Variants in ZDHHC3 observed in about 807,000 individuals in gnomAD.
The protein encoded by ZDHHC3 is palmitoyltransferase ZDHHC3.
In ZDHHC3, 9 loss-of-function variants were observed where a neutral mutation model predicts 30.6. That is an observed-to-expected ratio of 0.29 (90% CI 0.18 to 0.51). The LOEUF (loss-of-function observed/expected upper bound fraction) is 0.51, where lower values mean the gene tolerates loss of function less well. Among genes scored for constraint, ZDHHC3 ranks in the 20% least tolerant of loss-of-function variants. ZDHHC3 has a pLI of 0.97. For synonymous variants in ZDHHC3, 136 were observed against 140.2 expected, an observed-to-expected ratio of 0.97 and a Z score of 0.21; for missense variants, 246 against 384.2, an observed-to-expected ratio of 0.64 and a Z score of 3.01.
chr3:44,933,333 A>G (rs1338647361), intron 4 of ZDHHC3, 134 bp from the exon 5 acceptor site: 4 of 757,306 alleles, frequency 5.3e-6, no homozygotes, highest in Non-Finnish European at 9.0e-6. Flanking sequence ...GAGGGACCAG[A>G]GGGCCAGCTA....
In ZDHHC3 at chr3:44,919,875, G is replaced by A; in HGVS notation, c.*6814C>T. On this transcript the variant is annotated 3_prime_UTR_variant, in exon 7 of 7. Coordinates refer to ENST00000424952, the MANE Select transcript of ZDHHC3 (RefSeq NM_001135179.2). ...AAAATAATCAATAATCTGAGACAAAGATTTATGCAATACAAACTTGAACAC... is the reference window on the plus strand; with the variant it reads ...AAAATAATCAATAATCTGAGACAAAAATTTATGCAATACAAACTTGAACAC... The A allele has an allele frequency of 2.0e-6, 2 of 1,013,520 alleles. No individual in the cohort carries two copies. Among genetic ancestry groups the A allele is most frequent in the Non-Finnish European group, 1.2e-6 (1 of 845,132 alleles). 62.8% of individuals were successfully genotyped at this position (1,013,520 alleles called of 1,614,324 possible).
In ZDHHC3 at chr3:44,921,083, A is replaced by G. The variant is rs1196273467; in HGVS notation, c.*5606T>C. ...CGAACAAAAATGGTTGATGCCTGGT[A>G]AGGGGGTCATAGTCGACACCAGAAG... is the stretch of plus-strand genomic sequence containing the variant. On this transcript the variant is annotated 3_prime_UTR_variant, in exon 7 of 7. Transcript: ENST00000424952. 2.0e-6 allele frequency: 2 copies of G among 985,304 alleles called. No individual in the cohort carries two copies. Among genetic ancestry groups the G allele is most frequent in the Admixed American group, 6.1e-5 (1 of 16,270 alleles). 61.0% of individuals were successfully genotyped at this position (985,304 alleles called of 1,614,324 possible). A position where few individuals can be genotyped will look rare whatever the true frequency, so the allele number is the denominator to read the frequency against.
chr3:44,945,430 C>T, intron 2 of ZDHHC3, 138 bp from the exon 3 acceptor site: 1 of 1,270,190 alleles, frequency 7.9e-7, no homozygotes, highest in Middle Eastern at 2.5e-4. Context: ...AACATGTGGA[C>T]TCTGTGTTCA....
chr3:44,972,423 A>C (rs1011294256), intron 1 of ZDHHC3, among the ~76,000 whole-genome samples: 6 of 152,252 alleles, frequency 3.9e-5, no homozygotes, highest in Non-Finnish European at 8.8e-5. Flanking sequence ...AGATTGTGCC[A>C]CCGCACTCCA....
intron 1 of ZDHHC3, among the ~76,000 whole-genome samples, chr3:44,972,071 A>G (rs1478243641): frequency 6.6e-6 from 1 of 152,186 alleles, no homozygotes; most frequent in African/African-American, 2.4e-5. Flanking sequence ...GTACATTTCA[A>G]GGGTGCTGGG....
At chr3:44,942,210 A>G (rs1456226557) in intron 3 of ZDHHC3, among the ~76,000 whole-genome samples, 4 of 152,272 alleles carry the variant, frequency 2.6e-5, no homozygotes, top group African/African-American at 9.6e-5. Flanking sequence ...GTCGACATCA[A>G]CTTTAACCAG....
intron 1 of ZDHHC3, among the ~76,000 whole-genome samples, chr3:44,972,588 T>C (rs1380828484): frequency 3.3e-5 from 5 of 152,210 alleles, no homozygotes; most frequent in Non-Finnish European, 7.3e-5. Context: ...CTCTGTCATG[T>C]TATTGTTGCC....
rs756800515 is a variant in ZDHHC3, at chr3:44,959,336, C to T, written c.101G>A (p.Gly34Glu). ...CVPPPYPGPVGTMWFIRDGCG... is the reference protein window; with the variant it reads ...CVPPPYPGPVETMWFIRDGCG... ...GCCGTCACGGATAAACCACATGGTT[C>T]CCACAGGACCAGGGTAGGGGGGTGG... is the stretch of plus-strand genomic sequence containing the variant. Residue 34 changes from glycine to glutamate, a missense_variant, in exon 2 of 7, where the codon GGA becomes GAA. Transcript: ENST00000424952. The surrounding 1 kb of genome is among the most constrained non-coding windows in gnomAD (Gnocchi z 4.3). 8 of 1,614,236 alleles carry T rather than the reference C, an allele frequency of 5.0e-6. No homozygotes were observed. Among genetic ancestry groups the T allele is most frequent in the Non-Finnish European group, 8.5e-7 (1 of 1,180,050 alleles).
In ZDHHC3 at chr3:44,926,302, G is replaced by C; in HGVS notation, c.*387C>G. The C allele has an allele frequency of 1.0e-6, 1 of 990,894 alleles. No individual in the cohort carries two copies. Among genetic ancestry groups the C allele is most frequent in the East Asian group, 1.1e-4 (1 of 9,104 alleles). 61.4% of individuals were successfully genotyped at this position (990,894 alleles called of 1,614,324 possible). ...GTCAGGGCCCTCCTGGCTTTCCCATGCATCCCCCACCAGGTGTCCAGACTA... is the reference window on the plus strand; with the variant it reads ...GTCAGGGCCCTCCTGGCTTTCCCATCCATCCCCCACCAGGTGTCCAGACTA... On this transcript the variant is annotated 3_prime_UTR_variant, in exon 7 of 7. Transcript: ENST00000424952.
chr3:44,959,127 T>C lies in ZDHHC3; in HGVS notation c.306+4A>G. ...CTGGTCAAAACAAGCCCAGACATACTCACGGGGTCCGTCAGCATGGCCCGG... is the reference window on the plus strand; with the variant it reads ...CTGGTCAAAACAAGCCCAGACATACCCACGGGGTCCGTCAGCATGGCCCGG... On this transcript the variant is annotated splice_donor_region_variant and intron_variant, in intron 2 of 6. Transcript: ENST00000424952. The surrounding 1 kb of genome is among the most constrained non-coding windows in gnomAD (Gnocchi z 4.3). The C allele has an allele frequency of 6.2e-7, 1 of 1,613,936 alleles. No homozygotes were observed. The highest frequency in any genetic ancestry group is 8.5e-7 in the Non-Finnish European group (1 of 1,179,892).
rs1700708312 is a variant in ZDHHC3, at chr3:44,922,957, G to A, written c.*3732C>T. On this transcript the variant is annotated 3_prime_UTR_variant, in exon 7 of 7. Transcript: ENST00000424952. ...TGGCTGGCTCACCCTTTAAGCTGAT[G>A]CACTGCAAGTCTTGAAAAGAGAGAA... 6 of 985,318 alleles carry A rather than the reference G, an allele frequency of 6.1e-6. No homozygotes were observed. The highest frequency in any genetic ancestry group is 7.2e-6 in the Non-Finnish European group (6 of 829,908). 61.0% of individuals were successfully genotyped at this position (985,318 alleles called of 1,614,324 possible). A position where few individuals can be genotyped will look rare whatever the true frequency, so the allele number is the denominator to read the frequency against.
At chr3:44,975,766 TCTCTCTCA>T (rs1377999162) in intron 1 of ZDHHC3, among the ~76,000 whole-genome samples, 159 bp downstream of exon 1, 3 of 144,432 alleles carry the variant, frequency 2.1e-5, no homozygotes, top group Admixed American at 6.8e-5. Context: ...TCTCTCTCTC[TCTCTCTCA>T]CACACACACA....
Position 44,920,872 on chromosome 3 carries a change from T to C in ZDHHC3, c.*5817A>G, listed in dbSNP as rs1456468730. 1 of 985,332 alleles carries C rather than the reference T, an allele frequency of 1.0e-6. No individual in the cohort carries two copies. Among genetic ancestry groups the C allele is most frequent in the Admixed American group, 6.1e-5 (1 of 16,264 alleles). The allele number at this position is 985,332 out of a possible 1,614,324, so 61.0% of individuals were successfully genotyped here. On this transcript the variant is annotated 3_prime_UTR_variant, in exon 7 of 7. Transcript: ENST00000424952. The stretch of plus-strand genomic sequence containing the variant: ...AAAGTCGACAAACTTTCAGGGAGTG[T>C]TGACTTTTGAGTCTAGAAAGAAAAT...
At position 44,959,363 on chromosome 3, in the gene ZDHHC3, A is replaced by C; in HGVS notation, c.74T>G (p.Val25Gly). 1.2e-6 allele frequency: 2 copies of C among 1,614,226 alleles called. No individual in the cohort carries two copies. The highest frequency in any genetic ancestry group is 1.7e-6 in the Non-Finnish European group (2 of 1,180,038). Residue 25 changes from valine (V) to glycine (G), a missense_variant, in exon 2 of 7, where the codon GTC becomes GGC. By Grantham distance (109) the Val-to-Gly change is moderately radical (BLOSUM62 -3). Transcript: ENST00000424952. This position sits in a 1 kb window ranked among gnomAD's most constrained non-coding sequence, Gnocchi z 4.3. ...KPEYLQPEKC[V>G]PPPYPGPVGT... ...CACAGGACCAGGGTAGGGGGGTGGG[A>C]CACACTTCTCTGGCTGGAGGTATTC...
At chr3:44,960,766 A>G (rs1277127283) in intron 1 of ZDHHC3, among the ~76,000 whole-genome samples, 2 of 152,224 alleles carry the variant, frequency 1.3e-5, no homozygotes, top group Non-Finnish European at 2.9e-5. Flanking sequence ...ATCACTCAAA[A>G]GCAGCACTGG....
At chr3:44,964,968 T>A (rs955677146) in intron 1 of ZDHHC3, among the ~76,000 whole-genome samples, 1 of 151,086 alleles carries the variant, frequency 6.6e-6, no homozygotes, top group Non-Finnish European at 1.5e-5. Context: ...GAACTAAGCC[T>A]GGGGAGGGGC....
At chr3:44,930,267 G>A (rs1410147524) in intron 5 of ZDHHC3, among the ~76,000 whole-genome samples, 1 of 152,336 alleles carries the variant, frequency 6.6e-6, no homozygotes, top group Non-Finnish European at 1.5e-5. Flanking sequence ...CAGAAACCCA[G>A]CGCATGGAAG....
In ZDHHC3 at chr3:44,922,683, G is replaced by A; in HGVS notation, c.*4006C>T. 1 of 985,352 alleles carries A rather than the reference G, an allele frequency of 1.0e-6. No homozygotes were observed. The highest frequency in any genetic ancestry group is 1.2e-6 in the Non-Finnish European group (1 of 829,924). The allele number at this position is 985,352 out of a possible 1,614,324, so 61.0% of individuals were successfully genotyped here. On this transcript the variant is annotated 3_prime_UTR_variant, in exon 7 of 7. Transcript: ENST00000424952. ...TAGCCCCAACTGGATTCTCAAACTT[G>A]ATAGTCAGAATCACCTGGAGGGCTG... is the stretch of plus-strand genomic sequence containing the variant.
Sources: allele counts gnomAD v4.1 joint callset (sites outside exome capture counted in the v4.1 genomes callset), GRCh38; gene constraint gnomAD v4.1.1; non-coding constraint Gnocchi (gnomAD v3.1); transcripts MANE v1.5; gene names NCBI Gene and HGNC (gene_info 2026-07-23, HGNC 2026-07-21).